The following DDX31 variants were observed in gnomAD, a reference collection of about 807,000 sequenced individuals.
DDX31 encodes the protein DEAD-box helicase 31, also known as ATP-dependent DNA helicase DDX31.
DDX31 carries 70 observed loss-of-function variants against 91.3 expected under a neutral mutation model. The ratio of observed to expected loss-of-function variants is 0.77; its 90% CI spans 0.63 to 0.94. DDX31 has a LOEUF of 0.94. Among genes scored for constraint, DDX31 ranks in the 40% least tolerant of loss-of-function variants. The pLI is 0.00. For missense variants in DDX31, 902 were observed against 925.0 expected, an observed-to-expected ratio of 0.98 and a Z score of 0.32; for synonymous variants, 362 against 350.6, an observed-to-expected ratio of 1.03 and a Z score of -0.36.
chr9:132,634,709 C>CGACCTCCTGAGTAGCTG (rs947676694), intron 14 of DDX31, among the ~76,000 whole-genome samples: 2 of 151,280 alleles, frequency 1.3e-5, no homozygotes, highest in Non-Finnish European at 2.9e-5. Context: ...GCTCTGGCCT[C>CGACCTCCTGAGTAGCTG]GACCTCCTGA....
intron 6 of DDX31, chr9:132,658,222 G>T: frequency 1.4e-6 from 1 of 698,116 alleles, no homozygotes; most frequent in South Asian, 1.5e-5. Flanking sequence ...CTTCACACAA[G>T]AGTAAGGAGC....
chr9:132,631,050 C>A (rs1375446093), intron 15 of DDX31, among the ~76,000 whole-genome samples: 1 of 152,218 alleles, frequency 6.6e-6, no homozygotes, highest in Non-Finnish European at 1.5e-5. Flanking sequence ...GAGAGCACTG[C>A]CAACTCAGAG....
intron 1 of DDX31, among the ~76,000 whole-genome samples, chr9:132,666,005 T>C (rs565309816): frequency 3.9e-4 from 59 of 152,350 alleles, no homozygotes; most frequent in Admixed American, 7.2e-4. Flanking sequence ...AACATGTGTA[T>C]GCTGGAAACT....
In DDX31 at chr9:132,663,084, A is replaced by G. The variant is rs914513448; in HGVS notation, c.76-389T>C. The G allele has an allele frequency of 4.2e-6, 4 of 959,692 alleles. No homozygotes were observed. In the African/African-American group the frequency reaches 6.7e-5, roughly 16 times the overall value. The allele number at this position is 959,692 out of a possible 1,614,324, so 59.4% of individuals were successfully genotyped here. On this transcript the variant is annotated intron_variant, in intron 1 of 19. Transcript: ENST00000372159. Reference sequence around the variant, plus strand: ...AATCCATATTCCTAGGAACCCATTCACCCAAGGAGAAAAGAGGGGTGGGGG... The same window carrying G: ...AATCCATATTCCTAGGAACCCATTCGCCCAAGGAGAAAAGAGGGGTGGGGG...
rs117386093 is a variant in DDX31, at chr9:132,615,290, G to A, written c.1826-3035C>T. 6.4e-3 allele frequency among the ~76,000 whole-genome samples: 967 copies of A among 151,828 alleles called. 6 individuals carry two copies. Among genetic ancestry groups the A allele is most frequent in the Non-Finnish European group, 0.011 (746 of 68,026 alleles). ...ATCTTATGATGACTTGTAAGATGAA[G>A]GAGACAGAAATAAACAAACCTCCAG... On this transcript the variant is annotated intron_variant, in intron 18 of 19. Transcript: ENST00000372159.
At chr9:132,609,373 G>C (rs777114901) in intron 19 of DDX31, among the ~76,000 whole-genome samples, 51 of 152,312 alleles carry the variant, frequency 3.3e-4, no homozygotes, top group South Asian at 6.2e-4. Flanking sequence ...GCGAGGGTCA[G>C]CTGGGGCAGG....
At chr9:132,597,230 C>A (rs141635353) in intron 19 of DDX31, among the ~76,000 whole-genome samples, 3 of 152,176 alleles carry the variant, frequency 2.0e-5, no homozygotes, top group Non-Finnish European at 4.4e-5. Flanking sequence ...CCGCCCAGTG[C>A]GGACCATGTG....
At chr9:132,643,397 A>G (rs1157559007) in intron 13 of DDX31, among the ~76,000 whole-genome samples, 2 of 152,202 alleles carry the variant, frequency 1.3e-5, no homozygotes, top group Non-Finnish European at 2.9e-5. Flanking sequence ...GAAAAAAGTA[A>G]AGTCTCTGCC....
intron 17 of DDX31, among the ~76,000 whole-genome samples, chr9:132,624,212 C>T (rs893530138): frequency 1.3e-5 from 2 of 150,452 alleles, no homozygotes; most frequent in African/African-American, 4.9e-5. Flanking sequence ...CAAAAAAGCC[C>T]CTTAACTAGA....
At chr9:132,651,196 A>G (rs776214126) in intron 7 of DDX31, 80 bp from the exon 8 acceptor site, 30 of 1,225,786 alleles carry the variant, frequency 2.4e-5, no homozygotes, top group Non-Finnish European at 3.2e-5. Flanking sequence ...TGTGATTAGG[A>G]TCCAAACTTG....
chr9:132,642,145 C>A, intron 13 of DDX31, 82 bp from the exon 14 acceptor site: 1 of 1,216,412 alleles, frequency 8.2e-7, no homozygotes. Context: ...TAGCTCTCTC[C>A]ATCTCCTACT....
chr9:132,617,367 C>T (rs971982276), intron 18 of DDX31, among the ~76,000 whole-genome samples: 3 of 151,990 alleles, frequency 2.0e-5, no homozygotes, highest in African/African-American at 7.3e-5. Flanking sequence ...ATGGACTAAT[C>T]TGTTATGTTT....
intron 14 of DDX31, among the ~76,000 whole-genome samples, chr9:132,641,528 C>T (rs750698590): frequency 1.2e-4 from 18 of 152,300 alleles, no homozygotes; most frequent in Admixed American, 5.9e-4. Context: ...GCAGCTATCC[C>T]GGACTGCAGA....
At chr9:132,628,392 A>C (rs558013857) in intron 16 of DDX31, among the ~76,000 whole-genome samples, 27 of 152,248 alleles carry the variant, frequency 1.8e-4, no homozygotes, top group Admixed American at 8.5e-4. Context: ...CGGGATTAAA[A>C]AGGGAGTCAC....
At chr9:132,633,593 G>C (rs1832924655) in intron 14 of DDX31, among the ~76,000 whole-genome samples, 1 of 151,944 alleles carries the variant, frequency 6.6e-6, no homozygotes, top group Non-Finnish European at 1.5e-5. Flanking sequence ...AGTGTGTCTA[G>C]TATGCTTGTG....
intron 1 of DDX31, chr9:132,663,288 G>A: frequency 7.8e-7 from 1 of 1,289,128 alleles, no homozygotes; most frequent in Non-Finnish European, 1.0e-6. Context: ...GATTCAGACG[G>A]CCTGGAGAAA....
At chr9:132,667,630 A>AAAACAAAAC (rs1835403690) in intron 1 of DDX31, among the ~76,000 whole-genome samples, 2 of 130,652 alleles carry the variant, frequency 1.5e-5, no homozygotes, top group African/African-American at 7.5e-5. Flanking sequence ...CAAAACAAAA[A>AAAACAAAAC]ACGTAGATCT....
chr9:132,612,006 G>A (rs917916915), intron 19 of DDX31, 81 bp downstream of exon 19: 41 of 1,523,718 alleles, frequency 2.7e-5, no homozygotes, highest in South Asian at 1.2e-4. Flanking sequence ...AGAGAGTTGC[G>A]GTGAGCATGG....
At chr9:132,663,660 G>A (rs139403694) in intron 1 of DDX31, among the ~76,000 whole-genome samples, 249 of 152,246 alleles carry the variant, frequency 1.6e-3, no homozygotes, top group African/African-American at 5.9e-3. Flanking sequence ...CTCTTTGCTT[G>A]AAATAATGAC....
Sources: gnomAD v4.1 joint callset for allele counts (sites outside exome capture counted in the v4.1 genomes callset) on GRCh38, gnomAD v4.1.1 for gene constraint, MANE v1.5 for transcripts, NCBI Gene and HGNC (gene_info 2026-07-23, HGNC 2026-07-21) for gene names.